PACSIN2: variants seen among roughly 807,000 people sequenced by gnomAD.
PACSIN2 encodes the protein protein kinase C and casein kinase substrate in neurons 2.
PACSIN2 carries 25 observed loss-of-function variants against 63.8 expected under a neutral mutation model. The ratio of observed to expected loss-of-function variants is 0.39; its 90% CI spans 0.29 to 0.55. The LOEUF is 0.55. Among genes scored for constraint, PACSIN2 ranks in the 20% least tolerant of loss-of-function variants. PACSIN2 has a pLI of 0.62. For missense variants in PACSIN2, 518 were observed against 646.9 expected (o/e 0.80, Z 2.16); for synonymous variants, 255 against 256.2 (o/e 1.00, Z 0.05).
intron 5 of PACSIN2, among the ~76,000 whole-genome samples, 195 bp from the exon 6 acceptor site, chr22:42,884,756 C>T (rs1036304289): frequency 2.6e-5 from 4 of 152,266 alleles, no homozygotes; most frequent in African/African-American, 9.6e-5. Context: ...GCCATCTGCC[C>T]TGTCTCTCAG....
At chr22:42,914,535 A>C (rs939760450) in intron 1 of PACSIN2, among the ~76,000 whole-genome samples, 1 of 152,014 alleles carries the variant, frequency 6.6e-6, no homozygotes, top group African/African-American at 2.4e-5. Flanking sequence ...TTTCTATGGA[A>C]TCCTATGCTG....
At chr22:42,897,402 TC>T (rs540293562) in intron 2 of PACSIN2, among the ~76,000 whole-genome samples, 18 of 152,330 alleles carry the variant, frequency 1.2e-4, no homozygotes, top group Middle Eastern at 3.4e-3. Context: ...ATTAAAAACC[TC>T]TCTTCTACTT....
chr22:42,936,215 CAA>C (rs5845572), intron 1 of PACSIN2, among the ~76,000 whole-genome samples: 9 of 129,002 alleles, frequency 7.0e-5, no homozygotes, highest in Middle Eastern at 4.0e-3. Flanking sequence ...GACTCCGTCT[CAA>C]AAAAAAAAAA....
intron 1 of PACSIN2, among the ~76,000 whole-genome samples, chr22:42,949,538 AAATT>A (rs1933586933): frequency 6.6e-6 from 1 of 152,224 alleles, no homozygotes; most frequent in Admixed American, 6.5e-5. Flanking sequence ...TAAAGGGGAA[AAATT>A]AATGACAATT....
At chr22:42,983,707 C>T (rs1189187867) in intron 1 of PACSIN2, among the ~76,000 whole-genome samples, 1 of 152,194 alleles carries the variant, frequency 6.6e-6, no homozygotes, top group African/African-American at 2.4e-5. Context: ...AGCCATCCTC[C>T]CACCTCAGCC....
intron 1 of PACSIN2, among the ~76,000 whole-genome samples, chr22:42,979,943 G>A (rs540919493): frequency 2.2e-4 from 33 of 152,018 alleles, no homozygotes; most frequent in African/African-American, 5.3e-4. Context: ...TTACACATAC[G>A]CACATACATA....
At chr22:42,901,403 A>G (rs1375137367) in intron 2 of PACSIN2, among the ~76,000 whole-genome samples, 1 of 152,212 alleles carries the variant, frequency 6.6e-6, no homozygotes, top group Non-Finnish European at 1.5e-5. Flanking sequence ...GACGGGCAAA[A>G]TGCTTTCGAT....
intron 1 of PACSIN2, among the ~76,000 whole-genome samples, chr22:42,943,440 G>C (rs547730353): frequency 1.3e-5 from 2 of 152,274 alleles, no homozygotes; most frequent in Admixed American, 1.3e-4. Flanking sequence ...AGCAGAAGGA[G>C]TGAGAACAGA....
chr22:43,008,141 A>G (rs564591970), intron 1 of PACSIN2, among the ~76,000 whole-genome samples: 1 of 152,396 alleles, frequency 6.6e-6, no homozygotes, highest in South Asian at 2.1e-4. Context: ...AACAGCTTTC[A>G]GAAATACATC....
intron 2 of PACSIN2, among the ~76,000 whole-genome samples, chr22:42,905,578 A>G (rs1023024292): frequency 3.3e-5 from 5 of 152,238 alleles, no homozygotes; most frequent in African/African-American, 1.2e-4. Context: ...GGTGCACCCC[A>G]AATTCTGCTT....
intron 1 of PACSIN2, among the ~76,000 whole-genome samples, chr22:42,917,827 G>A (rs1294533093): frequency 6.6e-6 from 1 of 151,906 alleles, no homozygotes; most frequent in Non-Finnish European, 1.5e-5. Context: ...ATCTCACTAT[G>A]TTGCCCCGGC....
intron 1 of PACSIN2, among the ~76,000 whole-genome samples, chr22:42,947,585 G>A (rs907294548): frequency 6.6e-6 from 1 of 150,412 alleles, no homozygotes; most frequent in Non-Finnish European, 1.5e-5. Flanking sequence ...AGCAAGAGGG[G>A]ACAACACCAA....
intron 1 of PACSIN2, among the ~76,000 whole-genome samples, chr22:43,014,656 A>T (rs1037805751): frequency 2.1e-5 from 3 of 143,482 alleles, no homozygotes; most frequent in Non-Finnish European, 4.6e-5. Flanking sequence ...TCCCCCACTC[A>T]TTAGCAGCTC....
chr22:42,952,128 G>A (rs1159901188), intron 1 of PACSIN2, among the ~76,000 whole-genome samples: 4 of 152,052 alleles, frequency 2.6e-5, no homozygotes, highest in Admixed American at 6.5e-5. Flanking sequence ...CTCCACTCAC[G>A]AGAATGTAGG....
At chr22:42,957,126 C>G (rs908300920) in intron 1 of PACSIN2, among the ~76,000 whole-genome samples, 2 of 152,140 alleles carry the variant, frequency 1.3e-5, no homozygotes, top group African/African-American at 4.8e-5. Context: ...CCTGGCTCAC[C>G]AAATGAAAGC....
chr22:42,923,527 A>G (rs1460251223), intron 1 of PACSIN2, among the ~76,000 whole-genome samples: 1 of 152,018 alleles, frequency 6.6e-6, no homozygotes, highest in Non-Finnish European at 1.5e-5. Context: ...TCCCGGGTTC[A>G]CGCCATTCTC....
chr22:42,976,414 G>A (rs1293794811), intron 1 of PACSIN2, among the ~76,000 whole-genome samples: 2 of 152,176 alleles, frequency 1.3e-5, no homozygotes, highest in South Asian at 2.1e-4. Context: ...CAGCCCAGGC[G>A]ACAGACTGGC....
In PACSIN2 at chr22:42,886,686, C is replaced by T. The variant is rs1602184215; in HGVS notation, c.609+1957G>A. Among the ~76,000 whole-genome samples the T allele has an allele frequency of 3.9e-5, 6 of 152,208 alleles. No individual in the cohort carries two copies. The South Asian group carries it at 1.2e-3, about 32-fold the overall frequency. ...CTCACTATGTTTCCCAGGCTGTGTG[C>T]TGGATTTTGGAAACTGCGTCAAGAA... is the stretch of plus-strand genomic sequence containing the variant. On this transcript the variant is annotated intron_variant, in intron 5 of 10. Coordinates refer to ENST00000263246, the MANE Select transcript of PACSIN2 (RefSeq NM_001184970.3).
chr22:42,927,245 A>C (rs1601532175), intron 1 of PACSIN2, among the ~76,000 whole-genome samples: 2 of 145,176 alleles, frequency 1.4e-5, no homozygotes, highest in African/African-American at 2.6e-5. Flanking sequence ...GGTATCTTCC[A>C]GTTACTTTTT....
Sources: allele counts gnomAD v4.1 joint callset (sites outside exome capture counted in the v4.1 genomes callset), GRCh38; gene constraint gnomAD v4.1.1; transcripts MANE v1.5; gene names NCBI Gene and HGNC (gene_info 2026-07-23, HGNC 2026-07-21).